The following CCDC178 variants were observed in gnomAD, a reference collection of about 807,000 sequenced individuals.
The protein encoded by CCDC178 is coiled-coil domain containing 178, also known as coiled-coil domain-containing protein 178.
In CCDC178, 126 loss-of-function variants were observed where a neutral mutation model predicts 117.4. The observed-to-expected ratio is 1.07, with a 90% CI of 0.93 to 1.24. The LOEUF is 1.24. Ranked by LOEUF, CCDC178 falls within the 50% of genes most tolerant of loss-of-function variation. The probability of loss-of-function intolerance (pLI) is 0.00; values close to 1 mark genes in which losing one functional copy is unlikely to be tolerated. For synonymous variants in CCDC178, 283 were observed against 313.4 expected (o/e 0.90, Z 1.02); for missense variants, 1,030 against 986.9 (o/e 1.04, Z -0.59).
intron 20 of CCDC178, among the ~76,000 whole-genome samples, chr18:33,196,992 G>A (rs1265449666): frequency 6.6e-6 from 1 of 151,874 alleles, no homozygotes; most frequent in East Asian, 1.9e-4. Flanking sequence ...GCCTTTATTG[G>A]GCCTTAATTC....
Position 33,328,082 on chromosome 18 carries a change from GATTTTTTTTTTTTTT to G in CCDC178, c.880-4464_880-4450del, listed in dbSNP as rs1416708283. 38 of 249,130 alleles carry G rather than the reference GATTTTTTTTTTTTTT, an allele frequency of 1.5e-4. 1 individual carries two copies. The highest frequency in any genetic ancestry group is 8.2e-4 in the African/African-American group (25 of 30,470). 15.4% of individuals were successfully genotyped at this position (249,130 alleles called of 1,614,324 possible). A position where few individuals can be genotyped will look rare whatever the true frequency, so the allele number is the denominator to read the frequency against. On this transcript the variant is annotated intron_variant, in intron 10 of 22. Transcript: ENST00000383096. ...CCAAGGTCATAAAGATTTATCCCTA[GATTTTTTTTTTTTTT>G]TTTTTTTTTTTTTTTTTTTTTTTGA...
chr18:33,173,799 G>A (rs550093757), intron 20 of CCDC178, among the ~76,000 whole-genome samples: 1 of 152,110 alleles, frequency 6.6e-6, no homozygotes, highest in African/African-American at 2.4e-5. Context: ...GGTTCGTCTG[G>A]AACTTTCTCC....
chr18:33,210,825 CT>C (rs2059098475), intron 20 of CCDC178, among the ~76,000 whole-genome samples: 1 of 151,942 alleles, frequency 6.6e-6, no homozygotes, highest in South Asian at 2.1e-4. Context: ...CAAGAAAACC[CT>C]TTTCTAAAAT....
intron 11 of CCDC178, among the ~76,000 whole-genome samples, chr18:33,302,256 T>C (rs921156885): frequency 6.6e-6 from 1 of 152,198 alleles, no homozygotes; most frequent in African/African-American, 2.4e-5. Flanking sequence ...TCTACCATGT[T>C]TGTACAGTGT....
At chr18:32,989,414 T>C (rs1857047627) in intron 21 of CCDC178, among the ~76,000 whole-genome samples, 1 of 152,210 alleles carries the variant, frequency 6.6e-6, no homozygotes, top group African/African-American at 2.4e-5. Flanking sequence ...TCAAGACTCA[T>C]TTATGTGATA....
chr18:33,241,731 A>G (rs569604367), intron 15 of CCDC178, among the ~76,000 whole-genome samples: 2 of 151,894 alleles, frequency 1.3e-5, no homozygotes, highest in East Asian at 3.9e-4. Context: ...TACAAACAAA[A>G]TGGAAAAACA....
intron 20 of CCDC178, among the ~76,000 whole-genome samples, chr18:33,189,752 T>C (rs759890436): frequency 2.4e-4 from 37 of 152,190 alleles, no homozygotes; most frequent in Non-Finnish European, 4.0e-4. Flanking sequence ...GTAGACTGCA[T>C]TGAATTATGT....
chr18:33,252,880 A>C (rs1568090461), intron 14 of CCDC178, among the ~76,000 whole-genome samples: 1 of 151,828 alleles, frequency 6.6e-6, no homozygotes, highest in African/African-American at 2.4e-5. Flanking sequence ...GATATTTAGA[A>C]TATTTTACAG....
chr18:32,977,199 A>T (rs528033706), intron 21 of CCDC178, among the ~76,000 whole-genome samples: 8 of 152,264 alleles, frequency 5.3e-5, no homozygotes, highest in African/African-American at 1.9e-4. Context: ...AACTTGCTTT[A>T]GGTTATTCAA....
intron 14 of CCDC178, among the ~76,000 whole-genome samples, chr18:33,266,708 G>A (rs1436369967): frequency 2.0e-5 from 3 of 151,386 alleles, no homozygotes; most frequent in Admixed American, 6.6e-5. Context: ...GAGTTAATGG[G>A]TGCAGCACAC....
At chr18:33,336,973 G>T (rs543749081) in intron 9 of CCDC178, among the ~76,000 whole-genome samples, 3 of 151,944 alleles carry the variant, frequency 2.0e-5, no homozygotes, top group South Asian at 2.1e-4. Flanking sequence ...CATTGAATTT[G>T]TATGTTGCTT....
At chr18:33,403,549 T>C (rs1227874366) in intron 3 of CCDC178, among the ~76,000 whole-genome samples, 1 of 151,534 alleles carries the variant, frequency 6.6e-6, no homozygotes, top group Non-Finnish European at 1.5e-5. Flanking sequence ...TAGACTTTTG[T>C]CAAAATCAGT....
At chr18:33,268,952 C>G (rs541075930) in intron 12 of CCDC178, among the ~76,000 whole-genome samples, 1 of 151,822 alleles carries the variant, frequency 6.6e-6, no homozygotes, top group African/African-American at 2.4e-5. Context: ...AGTCCTATCA[C>G]TTCAGCTCCA....
intron 14 of CCDC178, among the ~76,000 whole-genome samples, chr18:33,260,349 T>C (rs565958715): frequency 1.1e-3 from 170 of 152,188 alleles, no homozygotes; most frequent in Middle Eastern, 6.8e-3. Context: ...TTACTACACA[T>C]TTGTTTATCC....
intron 11 of CCDC178, among the ~76,000 whole-genome samples, chr18:33,295,625 G>T (rs1178408287): frequency 6.6e-6 from 1 of 151,964 alleles, no homozygotes; most frequent in Non-Finnish European, 1.5e-5. Flanking sequence ...ATGGGAAAAT[G>T]GCAAAACATT....
chr18:33,434,814 C>A (rs1292159815), intron 2 of CCDC178, among the ~76,000 whole-genome samples: 1 of 151,518 alleles, frequency 6.6e-6, no homozygotes, highest in Non-Finnish European at 1.5e-5. Flanking sequence ...AATTCTAACT[C>A]TCATCTGCTA....
chr18:33,010,179 T>C (rs563410708), intron 21 of CCDC178, among the ~76,000 whole-genome samples: 5 of 152,190 alleles, frequency 3.3e-5, no homozygotes, highest in Non-Finnish European at 7.4e-5. Flanking sequence ...AGTTTTATTA[T>C]ATGTTTGATT....
In CCDC178 at chr18:33,219,815, A is replaced by G. The variant is rs2059209693; in HGVS notation, c.1932+3291T>C. ...AGGGAGGGATAGCATTAGGAGATAT[A>G]CCTAATGTAAATGACGAGTTAATGG... On this transcript the variant is annotated intron_variant, in intron 18 of 22. Coordinates refer to ENST00000383096, the MANE Select transcript of CCDC178 (RefSeq NM_001105528.4). Among the ~76,000 whole-genome samples the G allele has an allele frequency of 1.1e-4, 16 of 152,130 alleles. 1 individual carries two copies. The South Asian group carries it at 2.9e-3, about 28-fold the overall frequency.
intron 20 of CCDC178, among the ~76,000 whole-genome samples, chr18:33,120,544 C>G (rs904607262): frequency 6.6e-6 from 1 of 152,028 alleles, no homozygotes. Context: ...TTGTTATGTC[C>G]ACTGAAATAA....
Sources: gnomAD v4.1 joint callset for allele counts (sites outside exome capture counted in the v4.1 genomes callset) on GRCh38, gnomAD v4.1.1 for gene constraint, MANE v1.5 for transcripts, NCBI Gene and HGNC (gene_info 2026-07-23, HGNC 2026-07-21) for gene names.